The following SBF2 variants were observed in gnomAD, a reference collection of about 807,000 sequenced individuals.
SBF2 encodes myotubularin-related protein 13.
SBF2 carries 112 observed loss-of-function variants against 225.2 expected under a neutral mutation model. The ratio of observed to expected loss-of-function variants is 0.50; its 90% CI spans 0.43 to 0.58. SBF2 has a LOEUF of 0.58. SBF2 is among the 20% of genes least tolerant of loss of function. The probability of loss-of-function intolerance (pLI) is 0.00; values close to 1 mark genes in which losing one functional copy is unlikely to be tolerated. For synonymous variants in SBF2, 763 were observed against 773.3 expected, an observed-to-expected ratio of 0.99 and a Z score of 0.22; for missense variants, 1,996 against 2,206.2, an observed-to-expected ratio of 0.90 and a Z score of 1.91.
intron 26 of SBF2, among the ~76,000 whole-genome samples, chr11:9,837,746 C>CTT (rs34863974): frequency 1.1e-4 from 17 of 150,970 alleles, no homozygotes; most frequent in South Asian, 2.1e-4. Flanking sequence ...CAGCAGAAAG[C>CTT]TTTTTTTTTG....
At chr11:10,175,204 GAC>G (rs1327856430) in intron 2 of SBF2, among the ~76,000 whole-genome samples, 4 of 151,414 alleles carry the variant, frequency 2.6e-5, no homozygotes, top group Non-Finnish European at 4.4e-5. Context: ...CCAATTAAAA[GAC>G]ACAGACTGGC....
At position 9,989,650 on chromosome 11, in the gene SBF2, A is replaced by C. The variant is rs527636395; in HGVS notation, c.1297-55T>G. ...CAATTCCAAAATATGCCAAATTCAA[A>C]AACTGTGATAATTTCATACAATTTG... On this transcript the variant is annotated intron_variant, in intron 12 of 39. Coordinates refer to ENST00000256190, the MANE Select transcript of SBF2 (RefSeq NM_030962.4). The C allele has an allele frequency of 3.4e-5, 35 of 1,030,190 alleles. 2 individuals are homozygous for C. The South Asian group carries it at 4.6e-4, about 14-fold the overall frequency. The allele number at this position is 1,030,190 out of a possible 1,614,324, so 63.8% of individuals were successfully genotyped here.
chr11:9,837,482 CACTG>C (rs1413437713), intron 26 of SBF2, among the ~76,000 whole-genome samples: 4 of 152,198 alleles, frequency 2.6e-5, no homozygotes, highest in Non-Finnish European at 5.9e-5. Flanking sequence ...TGGTAAATTA[CACTG>C]ACTGATTTTC....
intron 2 of SBF2, among the ~76,000 whole-genome samples, chr11:10,054,248 T>G (rs994732147): frequency 2.4e-4 from 36 of 152,234 alleles, no homozygotes; most frequent in African/African-American, 8.7e-4. Context: ...TAAGATAATA[T>G]GATTGTCTGC....
chr11:10,106,842 TA>T (rs1389900853), intron 2 of SBF2, among the ~76,000 whole-genome samples: 1 of 151,904 alleles, frequency 6.6e-6, no homozygotes, highest in South Asian at 2.1e-4. Flanking sequence ...AAATCCAACT[TA>T]AAAAATGGGC....
rs575960275 is a variant in SBF2, at chr11:10,121,170, A to G, written c.141+72732T>C. On this transcript the variant is annotated intron_variant, in intron 2 of 39. Transcript: ENST00000256190. ...ATTTCTCTAATGATTAGTGATGTTAAGAAACATCCACATAATAACATCCAG... is the reference window on the plus strand; with the variant it reads ...ATTTCTCTAATGATTAGTGATGTTAGGAAACATCCACATAATAACATCCAG... Among the ~76,000 whole-genome samples the G allele has an allele frequency of 2.0e-5, 3 of 152,362 alleles. No individual in the cohort carries two copies. In the East Asian group the frequency reaches 5.8e-4, roughly 29 times the overall value.
chr11:9,860,412 C>T (rs1857638712), intron 17 of SBF2, among the ~76,000 whole-genome samples: 1 of 151,936 alleles, frequency 6.6e-6, no homozygotes, highest in African/African-American at 2.4e-5. Context: ...GCTGGGACTA[C>T]AGGTGTGCTC....
At chr11:10,065,634 C>T (rs747566561) in intron 2 of SBF2, among the ~76,000 whole-genome samples, 5 of 151,970 alleles carry the variant, frequency 3.3e-5, no homozygotes, top group African/African-American at 4.8e-5. Flanking sequence ...ACAACTTAGA[C>T]GAAATAAAGA....
At chr11:9,878,436 G>C (rs1859468646) in intron 17 of SBF2, among the ~76,000 whole-genome samples, 1 of 152,128 alleles carries the variant, frequency 6.6e-6, no homozygotes, top group Non-Finnish European at 1.5e-5. Flanking sequence ...TGTTGCCATT[G>C]CTTTTGGTGT....
chr11:10,138,302 C>T (rs1436477213), intron 2 of SBF2, among the ~76,000 whole-genome samples: 1 of 152,092 alleles, frequency 6.6e-6, no homozygotes, highest in African/African-American at 2.4e-5. Context: ...CTCATTAACT[C>T]GTTGATGACT....
At chr11:10,292,887 G>A (rs892655188) in intron 1 of SBF2, among the ~76,000 whole-genome samples, 3 of 152,048 alleles carry the variant, frequency 2.0e-5, no homozygotes, top group African/African-American at 7.2e-5. Context: ...CCTCAATCAG[G>A]TCATGACTGG....
At chr11:10,081,496 C>T (rs1287422379) in intron 2 of SBF2, among the ~76,000 whole-genome samples, 1 of 152,134 alleles carries the variant, frequency 6.6e-6, no homozygotes, top group Non-Finnish European at 1.5e-5. Context: ...CGGTAGCTCA[C>T]ACCTGTAATC....
intron 2 of SBF2, among the ~76,000 whole-genome samples, chr11:10,168,681 A>G (rs1388554212): frequency 6.6e-6 from 1 of 152,256 alleles, no homozygotes; most frequent in Non-Finnish European, 1.5e-5. Flanking sequence ...AGTGGAAGAT[A>G]TTATTTATGA....
intron 1 of SBF2, among the ~76,000 whole-genome samples, chr11:10,239,342 C>A (rs1959177836): frequency 6.6e-6 from 1 of 150,474 alleles, no homozygotes; most frequent in African/African-American, 2.4e-5. Flanking sequence ...TAGAAAATTG[C>A]CATATACTTG....
chr11:9,989,334 T>C (rs1043948930), intron 13 of SBF2, among the ~76,000 whole-genome samples, 163 bp downstream of exon 13: 4 of 152,006 alleles, frequency 2.6e-5, no homozygotes, highest in African/African-American at 4.8e-5. Context: ...ACTACAAATA[T>C]GGTGCAGTAT....
Position 9,787,684 on chromosome 11 carries a change from G to A in SBF2, c.4987C>T (p.Leu1663=). 5.0e-6 allele frequency: 8 copies of A among 1,614,182 alleles called. No individual in the cohort carries two copies. Among genetic ancestry groups the A allele is most frequent in the East Asian group, 2.2e-5 (1 of 44,892 alleles). ...AGGTCCACGGTTACCCTTTCCCACA[G>A]CTGCTGCCACTTCTCAGGGGCTTGG... ...LNQAPEKWQQ[L]WERVTVDLKE... The change falls in exon 36 of 40, where the codon CTG becomes TTG. Residue 1663 remains leucine, a synonymous_variant. Transcript: ENST00000256190.
intron 28 of SBF2, among the ~76,000 whole-genome samples, chr11:9,821,460 G>A (rs1207588078): frequency 3.3e-5 from 5 of 152,134 alleles, no homozygotes; most frequent in African/African-American, 9.7e-5. Context: ...ACTGATATGG[G>A]GCCAGCAGGG....
chr11:10,273,812 T>C (rs1408788812), intron 1 of SBF2, among the ~76,000 whole-genome samples: 1 of 152,122 alleles, frequency 6.6e-6, no homozygotes, highest in South Asian at 2.1e-4. Flanking sequence ...ACCAGGAAAA[T>C]GGACCTCATT....
At chr11:9,834,212 C>T (rs1228903567) in intron 26 of SBF2, among the ~76,000 whole-genome samples, 1 of 151,916 alleles carries the variant, frequency 6.6e-6, no homozygotes, top group African/African-American at 2.4e-5. Context: ...CCTGCCTCAG[C>T]CTCCTGAGTA....
Sources: gnomAD v4.1 joint callset for allele counts (sites outside exome capture counted in the v4.1 genomes callset) on GRCh38, gnomAD v4.1.1 for gene constraint, MANE v1.5 for transcripts, NCBI Gene and HGNC (gene_info 2026-07-23, HGNC 2026-07-21) for gene names.